EXOG: variants seen among roughly 807,000 people sequenced by gnomAD.
EXOG encodes the protein nuclease EXOG, mitochondrial.
A neutral mutation model predicts 25.8 loss-of-function variants in EXOG; 27 were observed. The observed-to-expected ratio is 1.05, with a 90% confidence interval of 0.77 to 1.45. The LOEUF (loss-of-function observed/expected upper bound fraction) is 1.45, where lower values mean the gene tolerates loss of function less well. Among genes scored for constraint, EXOG ranks in the 40% most tolerant of loss-of-function variants. The pLI is 0.00. For missense variants in EXOG, 458 were observed against 450.5 expected (o/e 1.02, Z -0.15); for synonymous variants, 133 against 167.0 (o/e 0.80, Z 1.57).
In EXOG at chr3:38,501,484, A is replaced by C; in HGVS notation, c.443A>C (p.Lys148Thr). ...CACATGGCTCCAGCAGGAAATAACA[A>C]ATTTTCAAGTGTAGGCATACTTTGG... The part of the protein sequence containing the change: ...RGHMAPAGNN[K>T]FSSKAMAETF... Residue 148 changes from lysine (K) to threonine (T), a missense_variant, in exon 3 of 6, where the codon AAA (lysine) becomes ACA (threonine). By Grantham distance (78) the Lys-to-Thr change is moderately conservative. Around this residue, in one of 3 missense-constraint regions of EXOG, gnomAD observed 275 missense variants for 230.5 expected, o/e 1.19. Coordinates refer to ENST00000287675, the MANE Select transcript of EXOG (RefSeq NM_005107.4). 1.2e-6 allele frequency: 2 copies of C among 1,613,968 alleles called. No individual in the cohort carries two copies. Among genetic ancestry groups the C allele is most frequent in the Non-Finnish European group, 1.7e-6 (2 of 1,179,912 alleles).
At chr3:38,497,095 A>G (rs1330534252) in intron 1 of EXOG, 1 of 997,230 alleles carries the variant, frequency 1.0e-6, no homozygotes, top group Non-Finnish European at 1.2e-6. Flanking sequence ...AAAAAAATTA[A>G]CACGAGCTCA....
chr3:38,496,535 G>T lies in EXOG; in HGVS notation c.163+5G>T. 6.2e-7 allele frequency: 1 copy of T among 1,608,958 alleles called. No individual in the cohort carries two copies. The highest frequency in any genetic ancestry group is 8.5e-7 in the Non-Finnish European group (1 of 1,178,612). Reference sequence around the variant, plus strand: ...TGACAGGGAAGCAGCCGGATGGTAAGTCTGTGGGCCCGTCCTCCCTTCGCT... The same window carrying T: ...TGACAGGGAAGCAGCCGGATGGTAATTCTGTGGGCCCGTCCTCCCTTCGCT... On this transcript the variant is annotated splice_donor_5th_base_variant and intron_variant, in intron 1 of 5. Coordinates refer to ENST00000287675, the MANE Select transcript of EXOG (RefSeq NM_005107.4).
intron 5 of EXOG, among the ~76,000 whole-genome samples, chr3:38,522,189 T>G (rs1481537873): frequency 2.0e-5 from 3 of 152,242 alleles, no homozygotes; most frequent in Non-Finnish European, 2.9e-5. Flanking sequence ...GTCTTGGCAG[T>G]GGGACCTTCA....
Position 38,524,940 on chromosome 3 carries a change from T to C in EXOG, c.*578T>C. The C allele has an allele frequency of 2.0e-6, 2 of 985,568 alleles. No individual in the cohort carries two copies. Among genetic ancestry groups the C allele is most frequent in the Non-Finnish European group, 1.2e-6 (1 of 830,048 alleles). 61.1% of individuals were successfully genotyped at this position (985,568 alleles called of 1,614,324 possible). On this transcript the variant is annotated 3_prime_UTR_variant, in exon 6 of 6. Coordinates refer to ENST00000287675, the MANE Select transcript of EXOG (RefSeq NM_005107.4). ...CTCAGAACTCAATGTTGTACATTTTTCCCTCTAGGACCTGAATTGGTCTTG... is the reference window on the plus strand; with the variant it reads ...CTCAGAACTCAATGTTGTACATTTTCCCCTCTAGGACCTGAATTGGTCTTG...
intron 5 of EXOG, among the ~76,000 whole-genome samples, chr3:38,518,731 A>G (rs114655746): frequency 2.3e-3 from 352 of 152,324 alleles, no homozygotes; most frequent in African/African-American, 8.0e-3. Flanking sequence ...CTTGAGGGCC[A>G]GGTATACCAG....
intron 5 of EXOG, among the ~76,000 whole-genome samples, chr3:38,512,361 A>G (rs1313201392): frequency 6.6e-6 from 1 of 152,230 alleles, no homozygotes; most frequent in Non-Finnish European, 1.5e-5. Context: ...ATGAAAAGGT[A>G]AAGTCTCACT....
At position 38,523,871 on chromosome 3, in the gene EXOG, G is replaced by A. The variant is rs376532358; in HGVS notation, c.646-30G>A. On this transcript the variant is annotated intron_variant, in intron 5 of 5. Transcript: ENST00000287675. ...ATTTGCGAACTGTTAGCACAAATTG[G>A]CATCACTAATATGGCTGCTTTGTTT... is the stretch of plus-strand genomic sequence containing the variant. 41 of 1,487,496 alleles carry A rather than the reference G, an allele frequency of 2.8e-5. No individual in the cohort carries two copies. In the African/African-American group the frequency reaches 5.2e-4, roughly 19 times the overall value. 92.1% of individuals were successfully genotyped at this position (1,487,496 alleles called of 1,614,324 possible). A position where few individuals can be genotyped will look rare whatever the true frequency, so the allele number is the denominator to read the frequency against.
At position 38,524,916 on chromosome 3, in the gene EXOG, T is replaced by C; in HGVS notation, c.*554T>C. On this transcript the variant is annotated 3_prime_UTR_variant, in exon 6 of 6. Coordinates refer to ENST00000287675, the MANE Select transcript of EXOG (RefSeq NM_005107.4). ...TCTGTGATGTATCTGCCCAGCCTTC[T>C]CAGAACTCAATGTTGTACATTTTTC... 1.0e-6 allele frequency: 1 copy of C among 985,664 alleles called. No individual in the cohort carries two copies. The highest frequency in any genetic ancestry group is 1.2e-6 in the Non-Finnish European group (1 of 830,148). The allele number at this position is 985,664 out of a possible 1,614,324, so 61.1% of individuals were successfully genotyped here. A position where few individuals can be genotyped will look rare whatever the true frequency, so the allele number is the denominator to read the frequency against.
At chr3:38,500,634 G>T (rs2060018279) in intron 2 of EXOG, among the ~76,000 whole-genome samples, 1 of 152,064 alleles carries the variant, frequency 6.6e-6, no homozygotes, top group African/African-American at 2.4e-5. Flanking sequence ...TGTTTCATTT[G>T]TTGTCATAAC....
intron 4 of EXOG, 36 bp downstream of exon 4, chr3:38,503,727 G>T: frequency 8.5e-7 from 1 of 1,172,732 alleles, no homozygotes. Context: ...TGATTCTATG[G>T]AAGATAAATG....
intron 5 of EXOG, chr3:38,515,698 T>C (rs74614260): frequency 0.016 from 2,518 of 155,992 alleles, 35 homozygotes; most frequent in Non-Finnish European, 0.028. Flanking sequence ...ATGCTGCCCT[T>C]GTTCTGTGCT....
intron 4 of EXOG, among the ~76,000 whole-genome samples, chr3:38,506,443 C>T (rs186312106): frequency 2.4e-4 from 36 of 152,210 alleles, no homozygotes; most frequent in East Asian, 2.1e-3. Context: ...ATTGATACAA[C>T]GTTGCATTAT....
At chr3:38,506,241 C>T (rs548679045) in intron 4 of EXOG, among the ~76,000 whole-genome samples, 1 of 151,876 alleles carries the variant, frequency 6.6e-6, no homozygotes, top group African/African-American at 2.4e-5. Context: ...ATGATAAATC[C>T]CAGCATTATA....
At chr3:38,498,843 C>T in intron 2 of EXOG, 1 of 437,824 alleles carries the variant, frequency 2.3e-6, no homozygotes, top group Non-Finnish European at 4.6e-6. Flanking sequence ...GCAGGTGTGT[C>T]AGTTTATTCA....
intron 5 of EXOG, among the ~76,000 whole-genome samples, chr3:38,508,715 C>CG (rs1553684617): frequency 2.0e-5 from 3 of 148,702 alleles, no homozygotes; most frequent in East Asian, 2.0e-4. Context: ...GGAACCACCC[C>CG]CCCCCCAAAA....
At chr3:38,502,410 A>G (rs1457574289) in intron 3 of EXOG, among the ~76,000 whole-genome samples, 2 of 152,160 alleles carry the variant, frequency 1.3e-5, no homozygotes. Flanking sequence ...ATTTTAAAAA[A>G]TTTTTTTAAT....
At chr3:38,510,795 A>G (rs2060345014) in intron 5 of EXOG, among the ~76,000 whole-genome samples, 1 of 152,050 alleles carries the variant, frequency 6.6e-6, no homozygotes, top group Non-Finnish European at 1.5e-5. Context: ...TTCAAAAGAG[A>G]CCTATCAGCT....
At chr3:38,506,498 G>A (rs935318260) in intron 4 of EXOG, among the ~76,000 whole-genome samples, 2 of 152,208 alleles carry the variant, frequency 1.3e-5, no homozygotes, top group African/African-American at 4.8e-5. Flanking sequence ...AAGAGGAATG[G>A]TTAAATAAAG....
At chr3:38,522,289 G>A (rs532644778) in intron 5 of EXOG, among the ~76,000 whole-genome samples, 15 of 152,310 alleles carry the variant, frequency 9.8e-5, no homozygotes, top group African/African-American at 3.6e-4. Context: ...AACCTCCTTT[G>A]TAGCTGTCGT....
Sources: allele counts gnomAD v4.1 joint callset (sites outside exome capture counted in the v4.1 genomes callset), GRCh38; gene constraint gnomAD v4.1.1; regional missense constraint gnomAD v4.1.1; transcripts MANE v1.5; gene names NCBI Gene and HGNC (gene_info 2026-07-23, HGNC 2026-07-21).